The following GPR139 variants were observed in gnomAD, a reference collection of about 807,000 sequenced individuals.
GPR139 encodes probable G protein-coupled receptor 139.
A neutral mutation model predicts 25.8 loss-of-function variants in GPR139; 12 were observed. That is an observed-to-expected ratio of 0.47 (90% CI 0.30 to 0.75). GPR139 has a LOEUF of 0.75. Ranked by LOEUF, GPR139 falls within the 30% of genes least tolerant of loss-of-function variation. The pLI is 0.07. For missense variants in GPR139, 380 were observed against 450.2 expected, an observed-to-expected ratio of 0.84 and a Z score of 1.41; for synonymous variants, 184 against 179.9, an observed-to-expected ratio of 1.02 and a Z score of -0.18.
chr16:20,045,987 A>C (rs560356630), intron 1 of GPR139, among the ~76,000 whole-genome samples: 8 of 152,242 alleles, frequency 5.3e-5, no homozygotes, highest in Admixed American at 2.0e-4. Context: ...TGTGCTCTTC[A>C]TCTGGAGTTC....
intron 1 of GPR139, among the ~76,000 whole-genome samples, chr16:20,033,553 C>T (rs2141200116): frequency 6.6e-6 from 1 of 152,296 alleles, no homozygotes; most frequent in African/African-American, 2.4e-5. Flanking sequence ...TATATAACCT[C>T]TTAAGAACCT....
At chr16:20,070,913 T>A (rs1482869380) in intron 1 of GPR139, 3 of 984,098 alleles carry the variant, frequency 3.0e-6, no homozygotes, top group African/African-American at 3.5e-5. Flanking sequence ...CACGCAGAGT[T>A]ACATGCTGAC....
chr16:20,063,768 G>A (rs928293630), intron 1 of GPR139, among the ~76,000 whole-genome samples: 1 of 152,194 alleles, frequency 6.6e-6, no homozygotes, highest in Non-Finnish European at 1.5e-5. Context: ...ACTGCTAGCA[G>A]TGTGATTTCG....
In GPR139 at chr16:20,053,990, C is replaced by T. The variant is rs1023752444; in HGVS notation, c.127+19500G>A. 1.3e-5 allele frequency among the ~76,000 whole-genome samples: 2 copies of T among 152,276 alleles called. 1 individual carries two copies. On this transcript the variant is annotated intron_variant, in intron 1 of 1. Transcript: ENST00000570682. ...CACATCCAGAAAATTATTCATCAAA[C>T]TACCTCTCAGATGCATTCTGTCTTG...
At chr16:20,061,550 A>G (rs1276598032) in intron 1 of GPR139, among the ~76,000 whole-genome samples, 1 of 152,212 alleles carries the variant, frequency 6.6e-6, no homozygotes, top group Admixed American at 6.5e-5. Flanking sequence ...CCTTTTTGCC[A>G]TGGGGCAAAA....
intron 1 of GPR139, among the ~76,000 whole-genome samples, chr16:20,037,468 A>AG (rs1296039424): frequency 2.9e-4 from 43 of 150,772 alleles, no homozygotes; most frequent in East Asian, 7.8e-4. Context: ...AAAAAAAAAA[A>AG]AGAGAGAGAA....
intron 1 of GPR139, among the ~76,000 whole-genome samples, chr16:20,059,316 A>G (rs1340252706): frequency 1.3e-5 from 2 of 151,980 alleles, no homozygotes; most frequent in South Asian, 2.1e-4. Context: ...ATTCCCCACC[A>G]TCACCCACCT....
At chr16:20,037,453 GAAAAA>G (rs139528395) in intron 1 of GPR139, among the ~76,000 whole-genome samples, 1 of 118,788 alleles carries the variant, frequency 8.4e-6, no homozygotes. Context: ...CTCTGTCTCA[GAAAAA>G]AAAAAAAAAA....
At chr16:20,065,831 C>A (rs2057431684) in intron 1 of GPR139, among the ~76,000 whole-genome samples, 1 of 150,596 alleles carries the variant, frequency 6.6e-6, no homozygotes, top group South Asian at 2.1e-4. Flanking sequence ...TGAAATCGCG[C>A]CACTGCACTC....
chr16:20,070,964 C>T, intron 1 of GPR139: 6 of 985,532 alleles, frequency 6.1e-6, no homozygotes, highest in Non-Finnish European at 7.2e-6. Context: ...CTCCTCTGGT[C>T]ACTGGTGGGG....
At chr16:20,044,629 G>T (rs2057347603) in intron 1 of GPR139, among the ~76,000 whole-genome samples, 1 of 152,142 alleles carries the variant, frequency 6.6e-6, no homozygotes, top group Non-Finnish European at 1.5e-5. Flanking sequence ...AATAGCTATT[G>T]AGTGCTTATA....
intron 1 of GPR139, among the ~76,000 whole-genome samples, chr16:20,064,399 G>A (rs2057424334): frequency 6.6e-6 from 1 of 152,120 alleles, no homozygotes; most frequent in African/African-American, 2.4e-5. Flanking sequence ...AAAATTAGCT[G>A]GGGATGGTGG....
At chr16:20,053,846 T>C (rs2057380500) in intron 1 of GPR139, among the ~76,000 whole-genome samples, 1 of 151,416 alleles carries the variant, frequency 6.6e-6, no homozygotes, top group Non-Finnish European at 1.5e-5. Flanking sequence ...TTTTTTCAGA[T>C]GAATAGATTG....
intron 1 of GPR139, among the ~76,000 whole-genome samples, chr16:20,046,343 G>A (rs1306448463): frequency 6.6e-6 from 1 of 152,222 alleles, no homozygotes; most frequent in East Asian, 1.9e-4. Flanking sequence ...CAAGTGGTTT[G>A]CATCCACAGG....
At chr16:20,059,973 G>A (rs192826147) in intron 1 of GPR139, among the ~76,000 whole-genome samples, 34 of 152,270 alleles carry the variant, frequency 2.2e-4, no homozygotes, top group East Asian at 1.2e-3. Context: ...GTGGAACCAC[G>A]GTCTGTGAGG....
intron 1 of GPR139, among the ~76,000 whole-genome samples, chr16:20,053,044 G>T (rs1188075098): frequency 6.6e-6 from 1 of 152,060 alleles, no homozygotes; most frequent in Non-Finnish European, 1.5e-5. Flanking sequence ...AATAGTCATT[G>T]CAGCTCCTCT....
chr16:20,073,698 CGGA>C lies in GPR139; in HGVS notation c.-85_-83del. On this transcript the variant is annotated 5_prime_UTR_variant, in exon 1 of 2. Coordinates refer to ENST00000570682, the MANE Select transcript of GPR139 (RefSeq NM_001002911.4). The surrounding 1 kb of genome is among the most constrained non-coding windows in gnomAD (Gnocchi z 4.7). ...GTCGCCGGCTCGGTGGTGGCGGCGGCGGAGGCAGCGGCAGCTGGAGCAGCAGCG... is the reference window on the plus strand; with the variant it reads ...GTCGCCGGCTCGGTGGTGGCGGCGGCGGCAGCGGCAGCTGGAGCAGCAGCG... 1 of 1,457,658 alleles carries C rather than the reference CGGA, an allele frequency of 6.9e-7. No homozygotes were observed. The highest frequency in any genetic ancestry group is 9.1e-7 in the Non-Finnish European group (1 of 1,103,570). 90.3% of individuals were successfully genotyped at this position (1,457,658 alleles called of 1,614,324 possible). A position where few individuals can be genotyped will look rare whatever the true frequency, so the allele number is the denominator to read the frequency against.
chr16:20,038,012 C>G (rs2057316172), intron 1 of GPR139, among the ~76,000 whole-genome samples: 1 of 139,688 alleles, frequency 7.2e-6, no homozygotes, highest in Non-Finnish European at 1.6e-5. Context: ...AGGCACGTGC[C>G]ACCACACCCA....
At chr16:20,050,722 G>T (rs1288714914) in intron 1 of GPR139, among the ~76,000 whole-genome samples, 1 of 152,168 alleles carries the variant, frequency 6.6e-6, no homozygotes, top group Admixed American at 6.5e-5. Flanking sequence ...GGAGGCAATA[G>T]GCAGTCATTG....
Sources: gnomAD v4.1 joint callset for allele counts (sites outside exome capture counted in the v4.1 genomes callset) on GRCh38, gnomAD v4.1.1 for gene constraint, Gnocchi (gnomAD v3.1) non-coding constraint, MANE v1.5 for transcripts, NCBI Gene and HGNC (gene_info 2026-07-23, HGNC 2026-07-21) for gene names.